GALR1: variants seen among roughly 807,000 people sequenced by gnomAD.
GALR1 encodes the protein galanin receptor 1, also known as galanin receptor type 1.
In GALR1, 11 loss-of-function variants were observed where a neutral mutation model predicts 17.9. That is an observed-to-expected ratio of 0.62 (90% CI 0.39 to 1.02). The LOEUF (loss-of-function observed/expected upper bound fraction) is 1.02, where lower values mean the gene tolerates loss of function less well. Ranked by LOEUF, GALR1 falls within the 50% of genes least tolerant of loss-of-function variation. The probability of loss-of-function intolerance (pLI) is 0.01; values close to 1 mark genes in which losing one functional copy is unlikely to be tolerated. For synonymous variants in GALR1, 206 were observed against 205.7 expected, an observed-to-expected ratio of 1.00 and a Z score of -0.01; for missense variants, 441 against 456.9, an observed-to-expected ratio of 0.97 and a Z score of 0.32.
At position 77,276,684 on chromosome 18, in the gene GALR1, A is replaced by T. The variant is rs889355182; in HGVS notation, c.*7782A>T. ...AACAGTGTCTGTATTTTCAGAGCAG[A>T]TAACCAATCAAATTGAGCAGATGGT... On this transcript the variant is annotated 3_prime_UTR_variant, in exon 3 of 3. Coordinates refer to ENST00000299727, the MANE Select transcript of GALR1 (RefSeq NM_001480.4). 6.6e-6 allele frequency: 1 copy of T among 152,230 alleles called. No individual in the cohort carries two copies. The highest frequency in any genetic ancestry group is 2.4e-5 in the African/African-American group (1 of 41,462). 9.4% of individuals were successfully genotyped at this position (152,230 alleles called of 1,614,324 possible).
rs1913143708 is a variant in GALR1 at position 77,275,757 on chromosome 18, T to C, written c.*6855T>C. 6.6e-6 allele frequency: 1 copy of C among 152,198 alleles called. No homozygotes were observed. The highest frequency in any genetic ancestry group is 6.5e-5 in the Admixed American group (1 of 15,282). The allele number at this position is 152,198 out of a possible 1,614,324, so 9.4% of individuals were successfully genotyped here. On this transcript the variant is annotated 3_prime_UTR_variant, in exon 3 of 3. Coordinates refer to ENST00000299727, the MANE Select transcript of GALR1 (RefSeq NM_001480.4). Reference sequence around the variant, plus strand: ...CTAGCTTTGACGATGAGAGTGTTTTTTAAAACGGAAACCATGTCATTTTCC... The same window carrying C: ...CTAGCTTTGACGATGAGAGTGTTTTCTAAAACGGAAACCATGTCATTTTCC...
At chr18:77,252,950 T>C (rs200852759) in intron 1 of GALR1, among the ~76,000 whole-genome samples, 1,552 of 23,668 alleles carry the variant, frequency 0.066, 12 homozygotes, top group Non-Finnish European at 0.085. Flanking sequence ...ACCACCACCA[T>C]CACCACCATC....
At chr18:77,253,004 C>CCACCACCACCAT in intron 1 of GALR1, among the ~76,000 whole-genome samples, 1 of 85,100 alleles carries the variant, frequency 1.2e-5, no homozygotes, top group Non-Finnish European at 2.6e-5. Context: ...ACCACCACCA[C>CCACCACCACCAT]CACCACCACC....
rs1348971562 is a variant in GALR1, at chr18:77,274,494, T to C, written c.*5592T>C. 32 of 152,266 alleles carry C rather than the reference T, an allele frequency of 2.1e-4. No homozygotes were observed. The highest frequency in any genetic ancestry group is 2.1e-3 in the Admixed American group (32 of 15,278). The allele number at this position is 152,266 out of a possible 1,614,324, so 9.4% of individuals were successfully genotyped here. On this transcript the variant is annotated 3_prime_UTR_variant, in exon 3 of 3. Transcript: ENST00000299727. ...GATGACGTGTAAGGCCTTCAGTATATAATGGACTTGTGCCAAGTACCTAAG... is the reference window on the plus strand; with the variant it reads ...GATGACGTGTAAGGCCTTCAGTATACAATGGACTTGTGCCAAGTACCTAAG...
chr18:77,252,604 T>C (rs914549521), intron 1 of GALR1, among the ~76,000 whole-genome samples: 1 of 152,096 alleles, frequency 6.6e-6, no homozygotes, highest in African/African-American at 2.4e-5. Context: ...CAGTACCACT[T>C]TGGGAGGCCG....
chr18:77,251,792 G>C (rs1334672275), intron 1 of GALR1, among the ~76,000 whole-genome samples: 3 of 152,206 alleles, frequency 2.0e-5, no homozygotes, highest in Admixed American at 2.0e-4. Flanking sequence ...CCCGGGGTGC[G>C]CAGTTTGCCC....
At chr18:77,258,898 G>A (rs1285780243) in intron 2 of GALR1, among the ~76,000 whole-genome samples, 1 of 140,442 alleles carries the variant, frequency 7.1e-6, no homozygotes, top group Non-Finnish European at 1.5e-5. Flanking sequence ...TAGTGGTGAT[G>A]GTGGTGGGCG....
rs1466951543 is a variant in GALR1, at chr18:77,256,198, A to G, written c.707A>G (p.Lys236Arg). ...HLHKKLKNMS[K>R]KSEASKKKTA... ...CATAAAAAGTTGAAGAACATGTCAA[A>G]GAAGTCTGAAGCATCCAAGAAAAAG... The change falls in exon 2 of 3, where the codon AAG becomes AGG. Residue 236 changes from lysine to arginine, a missense_variant. Physicochemically the swap from Lys to Arg is conservative, Grantham distance 26. Transcript: ENST00000299727. 6.3e-7 allele frequency: 1 copy of G among 1,592,978 alleles called. No homozygotes were observed. The highest frequency in any genetic ancestry group is 1.1e-5 in the South Asian group (1 of 90,554).
chr18:77,259,284 A>G (rs1244696901), intron 2 of GALR1, among the ~76,000 whole-genome samples: 2 of 82,866 alleles, frequency 2.4e-5, no homozygotes, highest in African/African-American at 8.6e-5. Flanking sequence ...GGTGGTGGTC[A>G]TGGTGGTCAT....
chr18:77,264,291 G>GA (rs1163944680), intron 2 of GALR1, among the ~76,000 whole-genome samples: 1 of 152,106 alleles, frequency 6.6e-6, no homozygotes, highest in Non-Finnish European at 1.5e-5. Context: ...TGTCCCAAGG[G>GA]AAAATCTGTG....
At chr18:77,254,175 G>T (rs1341472330) in intron 1 of GALR1, among the ~76,000 whole-genome samples, 7 of 152,092 alleles carry the variant, frequency 4.6e-5, no homozygotes, top group Non-Finnish European at 7.4e-5. Flanking sequence ...GAAATTTACA[G>T]ACTCACCAAG....
In GALR1 at chr18:77,270,939, A is replaced by T. The variant is rs1913049627; in HGVS notation, c.*2037A>T. 6.6e-6 allele frequency: 1 copy of T among 152,172 alleles called. No individual in the cohort carries two copies. The highest frequency in any genetic ancestry group is 1.9e-4 in the East Asian group (1 of 5,196). The allele number at this position is 152,172 out of a possible 1,614,324, so 9.4% of individuals were successfully genotyped here. On this transcript the variant is annotated 3_prime_UTR_variant, in exon 3 of 3. Transcript: ENST00000299727. Reference sequence around the variant, plus strand: ...TACTTCCTGTGATTTGTGGAACTTGAAGTTGCTGTTGCAAACTCCAGAACA... The same window carrying T: ...TACTTCCTGTGATTTGTGGAACTTGTAGTTGCTGTTGCAAACTCCAGAACA...
rs754513356 is a variant in GALR1 at position 77,250,982 on chromosome 18, C to A, written c.434C>A (p.Ser145Tyr). The change falls in exon 1 of 3, where the codon TCC (serine) becomes TAC (tyrosine). Residue 145 changes from serine to tyrosine, a missense_variant. Ser to Tyr is a moderately radical substitution (Grantham distance 144). Coordinates refer to ENST00000299727, the MANE Select transcript of GALR1 (RefSeq NM_001480.4). ...ATCGTGCACTCGCGGCGCTCCTCCT[C>A]CCTCAGGGTGTCCCGCAACGCGCTG... ...VAIVHSRRSS[S>Y]LRVSRNALLG... 6.2e-7 allele frequency: 1 copy of A among 1,604,422 alleles called. No homozygotes were observed. The highest frequency in any genetic ancestry group is 2.2e-5 in the East Asian group (1 of 44,874).
At chr18:77,267,919 C>G (rs967964128) in intron 2 of GALR1, among the ~76,000 whole-genome samples, 1 of 152,198 alleles carries the variant, frequency 6.6e-6, no homozygotes. Context: ...ATGACTTCCT[C>G]CTACCATTTG....
chr18:77,253,942 A>C (rs1912527278), intron 1 of GALR1: 1 of 152,354 alleles, frequency 6.6e-6, no homozygotes, highest in Non-Finnish European at 1.5e-5. Context: ...TGGTCTGCCC[A>C]GTGCCCCCTG....
At chr18:77,254,182 C>G (rs748766649) in intron 1 of GALR1, among the ~76,000 whole-genome samples, 2 of 152,140 alleles carry the variant, frequency 1.3e-5, no homozygotes, top group Non-Finnish European at 2.9e-5. Flanking sequence ...ACAGACTCAC[C>G]AAGAGACCCC....
chr18:77,259,350 G>GCGAT (rs1912756688), intron 2 of GALR1, among the ~76,000 whole-genome samples: 1 of 141,638 alleles, frequency 7.1e-6, no homozygotes, highest in Admixed American at 7.1e-5. Context: ...GGTGATGGTG[G>GCGAT]TGGATGGTGG....
rs1913056214 is a variant in GALR1, at chr18:77,271,246, A to ACCCT, written c.*2347_*2348insTCCC. The ACCCT allele has an allele frequency of 1.7e-4, 13 of 77,982 alleles. No homozygotes were observed. The highest frequency in any genetic ancestry group is 5.0e-4 in the African/African-American group (12 of 23,826). The allele number at this position is 77,982 out of a possible 1,614,324, so 4.8% of individuals were successfully genotyped here. A position where few individuals can be genotyped will look rare whatever the true frequency, so the allele number is the denominator to read the frequency against. ...CAAAAAGTAATAGCTTGCGCTTGAA[A>ACCCT]CCCCCCCCCCCCCGCCACTTTGCTA... On this transcript the variant is annotated 3_prime_UTR_variant, in exon 3 of 3. Transcript: ENST00000299727.
At position 77,269,648 on chromosome 18, in the gene GALR1, C is replaced by T. The variant is rs1913021222; in HGVS notation, c.*746C>T. 5 of 152,296 alleles carry T rather than the reference C, an allele frequency of 3.3e-5. No homozygotes were observed. The South Asian group carries it at 1.0e-3, about 32-fold the overall frequency. The allele number at this position is 152,296 out of a possible 1,614,324, so 9.4% of individuals were successfully genotyped here. A position where few individuals can be genotyped will look rare whatever the true frequency, so the allele number is the denominator to read the frequency against. ...ACAGAGTCAGAGACCACTGTCTTAA[C>T]AGTGGAAGATGCAAATAAGTTTTTG... On this transcript the variant is annotated 3_prime_UTR_variant, in exon 3 of 3. Transcript: ENST00000299727.
Sources: allele counts gnomAD v4.1 joint callset (sites outside exome capture counted in the v4.1 genomes callset), GRCh38; gene constraint gnomAD v4.1.1; transcripts MANE v1.5; gene names NCBI Gene and HGNC (gene_info 2026-07-23, HGNC 2026-07-21).